The following DIDO1 variants were observed in gnomAD, a reference collection of about 807,000 sequenced individuals.
The protein encoded by DIDO1 is death inducer-obliterator 1, also known as death-inducer obliterator 1.
Under a neutral mutation model 99.4 loss-of-function variants are expected in DIDO1, and 16 were observed. That is an observed-to-expected ratio of 0.16 (90% CI 0.11 to 0.24). The LOEUF is 0.24. Ranked by LOEUF, DIDO1 falls within the 10% of genes least tolerant of loss-of-function variation. The pLI is 1.00. For missense variants in DIDO1, 2,996 were observed against 3,014.0 expected (o/e 0.99, Z 0.14); for synonymous variants, 1,366 against 1,239.1 (o/e 1.10, Z -2.15).
Position 62,882,095 on chromosome 20 carries a change from G to A in DIDO1, c.3861C>T (p.Ala1287=). The A allele has an allele frequency of 3.1e-6, 5 of 1,613,372 alleles. No homozygotes were observed. The highest frequency in any genetic ancestry group is 4.2e-6 in the Non-Finnish European group (5 of 1,180,020). ...CTGCCGCTGCTGTTGTGGCTGCTGT[G>A]GCTGGGCTGGGGGCTGCAGGTTTGA... ...SSLKPAAPSP[A]TAATTAAAAS... Residue 1287 remains alanine, a synonymous_variant, in exon 16 of 16, where the codon GCC becomes GCT. Transcript: ENST00000395343.
intron 6 of DIDO1, among the ~76,000 whole-genome samples, chr20:62,901,128 C>T (rs1183624103): frequency 1.3e-5 from 2 of 152,306 alleles, no homozygotes; most frequent in East Asian, 1.9e-4. Flanking sequence ...TTTCATGTTG[C>T]GGGGAAACAG....
intron 8 of DIDO1, 104 bp from the exon 9 acceptor site, chr20:62,895,269 C>T (rs2064493156): frequency 1.9e-6 from 2 of 1,053,886 alleles, no homozygotes; most frequent in African/African-American, 1.6e-5. Context: ...GGGCACAGGA[C>T]AAAGGCCCTC....
rs1228701389 is a variant in DIDO1, at chr20:62,878,058, T to TA, written c.*1174dup. 2 of 152,216 alleles carry TA rather than the reference T, an allele frequency of 1.3e-5. No individual in the cohort carries two copies. The highest frequency in any genetic ancestry group is 2.4e-5 in the African/African-American group (1 of 41,458). 9.4% of individuals were successfully genotyped at this position (152,216 alleles called of 1,614,324 possible). A position where few individuals can be genotyped will look rare whatever the true frequency, so the allele number is the denominator to read the frequency against. On this transcript the variant is annotated 3_prime_UTR_variant, in exon 16 of 16. Transcript: ENST00000395343. The stretch of plus-strand genomic sequence containing the variant: ...ATACATTCTCAATGTTTTCTTAACT[T>TA]AAAAAATCTGTGCTATAAAGTGAAA...
chr20:62,886,102 C>G (rs1293372499), intron 15 of DIDO1, among the ~76,000 whole-genome samples: 2 of 152,226 alleles, frequency 1.3e-5, no homozygotes, highest in Non-Finnish European at 2.9e-5. Context: ...GCACAGGGCA[C>G]GGTAGGCTTA....
intron 15 of DIDO1, chr20:62,887,374 C>T (rs1339055075): frequency 1.0e-6 from 1 of 985,338 alleles, no homozygotes. Context: ...CAGAATTTCT[C>T]AGCTAATTTA....
upstream of DIDO1, chr20:62,929,156 GCA>G (rs2147603513): frequency 1.3e-5 from 2 of 152,336 alleles, no homozygotes; most frequent in South Asian, 2.1e-4. Flanking sequence ...TCCTGATTCC[GCA>G]CAGTTCTCTC....
At chr20:62,936,848 TG>T (rs1267326513) in intron 1 of DIDO1, among the ~76,000 whole-genome samples, 1 of 152,160 alleles carries the variant, frequency 6.6e-6, no homozygotes, top group African/African-American at 2.4e-5. Context: ...TGGGCGAGAG[TG>T]AGACTTCGTC....
In DIDO1 at chr20:62,879,758, T is replaced by G. The variant is rs761196098; in HGVS notation, c.6198A>C (p.Ala2066=). The change falls in exon 16 of 16, where the codon GCA becomes GCC. Residue 2066 remains alanine (A), a synonymous_variant. Coordinates refer to ENST00000395343, the MANE Select transcript of DIDO1 (RefSeq NM_001193369.2). The surrounding 1 kb of genome is among the most constrained non-coding windows in gnomAD (Gnocchi z 6.3). ...CTTTCCCCTCTCGGAAGTCGGCCGA[T>G]GCCCACTGTCCGTCGGCCTCGGGGC... ...GQGPEADGQW[A]SADFREGKGH... The G allele has an allele frequency of 5.0e-6, 8 of 1,611,730 alleles. No homozygotes were observed. The Admixed American group carries it at 1.2e-4, about 23-fold the overall frequency.
intron 1 of DIDO1, among the ~76,000 whole-genome samples, chr20:62,937,552 G>A (rs144241354): frequency 3.0e-4 from 46 of 152,372 alleles, no homozygotes; most frequent in African/African-American, 1.1e-3. Flanking sequence ...CTCGAGTGAG[G>A]ACGCGCTCAA....
chr20:62,909,930 A>C lies in DIDO1; in HGVS notation c.930T>G (p.Asn310Lys). 6.2e-7 allele frequency: 1 copy of C among 1,614,090 alleles called. No homozygotes were observed. The highest frequency in any genetic ancestry group is 8.5e-7 in the Non-Finnish European group (1 of 1,180,026). ...SEARGRLLERNGEDYICPNCT... is the reference protein window; with the variant it reads ...SEARGRLLERKGEDYICPNCT... ...AGTTTGGGCAGATATAGTCTTCCCC[A>C]TTCCTTTCCAAAAGCCTCCCTCGAG... Residue 310 changes from asparagine to lysine, a missense_variant, in exon 4 of 16, where the codon AAT becomes AAG. By Grantham distance (94) the Asn-to-Lys change is moderately conservative. Around this residue, in one of 5 missense-constraint regions of DIDO1, gnomAD observed 898 missense variants for 972.7 expected, o/e 0.92. Transcript: ENST00000395343.
Position 62,911,664 on chromosome 20 carries a change from G to A in DIDO1, c.-2-50C>T. ...GTGACCAACTGACCACAGAACAAAA[G>A]GTGACATTGCCGCCAAACACGCGCA... On this transcript the variant is annotated intron_variant, in intron 2 of 15. Transcript: ENST00000395343. The surrounding 1 kb of genome is among the most constrained non-coding windows in gnomAD (Gnocchi z 7.0). The A allele has an allele frequency of 6.8e-7, 1 of 1,480,164 alleles. No individual in the cohort carries two copies. The highest frequency in any genetic ancestry group is 9.0e-7 in the Non-Finnish European group (1 of 1,110,540). The allele number at this position is 1,480,164 out of a possible 1,614,324, so 91.7% of individuals were successfully genotyped here. A position where few individuals can be genotyped will look rare whatever the true frequency, so the allele number is the denominator to read the frequency against.
chr20:62,917,131 G>A (rs750319044), intron 1 of DIDO1, among the ~76,000 whole-genome samples: 1 of 152,034 alleles, frequency 6.6e-6, no homozygotes, highest in African/African-American at 2.4e-5. Flanking sequence ...GGCTCAAAGC[G>A]GTCTTCCCAC....
At chr20:62,886,528 C>T (rs1159252828) in intron 15 of DIDO1, among the ~76,000 whole-genome samples, 3 of 152,212 alleles carry the variant, frequency 2.0e-5, no homozygotes, top group South Asian at 2.1e-4. Context: ...CCAGGTGTGT[C>T]GCAACAGGGA....
intron 1 of DIDO1, among the ~76,000 whole-genome samples, chr20:62,916,478 G>A (rs1421657858): frequency 6.6e-6 from 1 of 152,178 alleles, no homozygotes; most frequent in East Asian, 1.9e-4. Context: ...ACACCAAAGA[G>A]CTTTTGTTTA....
upstream of DIDO1, among the ~76,000 whole-genome samples, chr20:62,930,638 C>A (rs772338062): frequency 2.6e-5 from 4 of 152,226 alleles, no homozygotes; most frequent in Non-Finnish European, 5.9e-5. Flanking sequence ...GCATCACCCC[C>A]TTTAATGCTG....
chr20:62,878,417 G>A lies in DIDO1; in HGVS notation c.*816C>T, dbSNP rs1276405072. ...GACAAATACCAGTTTGGGGCCGAGC[G>A]TACTTTTCCCGGGATACAGAAGAAC... On this transcript the variant is annotated 3_prime_UTR_variant, in exon 16 of 16. Transcript: ENST00000395343. The A allele has an allele frequency of 6.6e-6, 1 of 152,150 alleles. No homozygotes were observed. The highest frequency in any genetic ancestry group is 1.5e-5 in the Non-Finnish European group (1 of 68,034). The allele number at this position is 152,150 out of a possible 1,614,324, so 9.4% of individuals were successfully genotyped here.
chr20:62,897,627 A>C (rs1267756252), intron 6 of DIDO1, among the ~76,000 whole-genome samples: 1 of 152,270 alleles, frequency 6.6e-6, no homozygotes, highest in African/African-American at 2.4e-5. Flanking sequence ...GCGTCCATTC[A>C]CAGCCCTCAG....
upstream of DIDO1, among the ~76,000 whole-genome samples, chr20:62,927,132 C>T (rs373369785): frequency 4.2e-4 from 64 of 152,246 alleles, no homozygotes; most frequent in Middle Eastern, 6.8e-3. Context: ...GAGAAAGGAG[C>T]ACAGCGAGGA....
intron 6 of DIDO1, chr20:62,905,420 C>A: frequency 6.7e-7 from 1 of 1,495,574 alleles, no homozygotes; most frequent in South Asian, 1.3e-5. Flanking sequence ...TGCAAAGATT[C>A]CCACAACATA....
Sources: gnomAD v4.1 joint callset for allele counts (sites outside exome capture counted in the v4.1 genomes callset) on GRCh38, gnomAD v4.1.1 for gene constraint, gnomAD v4.1.1 regional missense constraint, Gnocchi (gnomAD v3.1) non-coding constraint, MANE v1.5 for transcripts, NCBI Gene and HGNC (gene_info 2026-07-23, HGNC 2026-07-21) for gene names.